VAT1L: variants seen among roughly 807,000 people sequenced by gnomAD.
VAT1L encodes the protein putative NADPH-dependent quinone oxidoreductase VAT1L.
In VAT1L, 34 loss-of-function variants were observed where a neutral mutation model predicts 44.1. The observed-to-expected ratio is 0.77, with a 90% confidence interval of 0.59 to 1.03. The LOEUF is 1.03. VAT1L is among the 50% of genes least tolerant of loss of function. The pLI is 0.00. For missense variants in VAT1L, 615 were observed against 538.8 expected, an observed-to-expected ratio of 1.14 and a Z score of -1.40; for synonymous variants, 253 against 202.2, an observed-to-expected ratio of 1.25 and a Z score of -2.13.
chr16:77,930,458 C>T (rs2017716987), intron 7 of VAT1L, among the ~76,000 whole-genome samples: 1 of 152,192 alleles, frequency 6.6e-6, no homozygotes, highest in Admixed American at 6.5e-5. Flanking sequence ...TGGCTCTCTG[C>T]AGTGGCAGGT....
At chr16:77,807,576 T>G (rs2016184225) in intron 1 of VAT1L, among the ~76,000 whole-genome samples, 1 of 152,160 alleles carries the variant, frequency 6.6e-6, no homozygotes, top group African/African-American at 2.4e-5. Context: ...AGTTGTCTTT[T>G]AGAACACTCC....
chr16:77,874,021 G>A (rs1168286972), intron 4 of VAT1L, among the ~76,000 whole-genome samples: 1 of 152,144 alleles, frequency 6.6e-6, no homozygotes, highest in African/African-American at 2.4e-5. Flanking sequence ...AGGTCAAGGT[G>A]GGACTAATAC....
chr16:77,821,952 G>A (rs1403573375), intron 2 of VAT1L, among the ~76,000 whole-genome samples: 1 of 152,146 alleles, frequency 6.6e-6, no homozygotes, highest in East Asian at 1.9e-4. Flanking sequence ...AGATACAAAA[G>A]CATAAGGGTG....
At chr16:77,854,286 T>C (rs535555354) in intron 3 of VAT1L, among the ~76,000 whole-genome samples, 79 of 152,312 alleles carry the variant, frequency 5.2e-4, no homozygotes, top group African/African-American at 1.7e-3. Flanking sequence ...ACAGCGCATA[T>C]CACGTGTAGG....
At position 77,913,717 on chromosome 16, in the gene VAT1L, C is replaced by G. The variant is rs145551494; in HGVS notation, c.1077+28915C>G. Reference sequence around the variant, plus strand: ...TTTGACATGGTTGGAGGGGGACAGTCTATGCATAAATGTGTATTGTAACAA... The same window carrying G: ...TTTGACATGGTTGGAGGGGGACAGTGTATGCATAAATGTGTATTGTAACAA... On this transcript the variant is annotated intron_variant, in intron 7 of 8. Transcript: ENST00000302536. Among the ~76,000 whole-genome samples, 1,444 of 152,210 alleles carry G rather than the reference C, an allele frequency of 9.5e-3. 49 individuals are homozygous for G. Among genetic ancestry groups the G allele is most frequent in the Admixed American group, 0.065 (1,000 of 15,276 alleles).
intron 7 of VAT1L, among the ~76,000 whole-genome samples, chr16:77,895,142 C>T (rs1249019371): frequency 1.4e-5 from 1 of 72,068 alleles, no homozygotes; most frequent in Non-Finnish European, 2.8e-5. Context: ...TTTCTACGCA[C>T]ATTCTCCCAG....
chr16:77,863,154 A>T (rs1458861577), intron 4 of VAT1L, among the ~76,000 whole-genome samples: 3 of 152,216 alleles, frequency 2.0e-5, no homozygotes, highest in Non-Finnish European at 4.4e-5. Flanking sequence ...CCATCTTAAC[A>T]CATGGAAGTT....
intron 8 of VAT1L, among the ~76,000 whole-genome samples, chr16:77,973,372 C>T (rs575035497): frequency 2.8e-4 from 43 of 152,188 alleles, no homozygotes; most frequent in Non-Finnish European, 4.3e-4. Context: ...GCAACCTCCG[C>T]CTCCCGGGTT....
chr16:77,900,268 T>A (rs2017366144), intron 7 of VAT1L, among the ~76,000 whole-genome samples: 1 of 152,212 alleles, frequency 6.6e-6, no homozygotes, highest in South Asian at 2.1e-4. Context: ...TATTTGTGTG[T>A]CTGCATATAT....
intron 7 of VAT1L, among the ~76,000 whole-genome samples, chr16:77,968,615 C>T (rs1225716637): frequency 1.3e-5 from 2 of 151,894 alleles, no homozygotes; most frequent in African/African-American, 4.8e-5. Flanking sequence ...GTCCCAGCTA[C>T]TCAGGAAGTT....
chr16:77,815,745 G>C (rs888072107), intron 1 of VAT1L, among the ~76,000 whole-genome samples: 15 of 151,710 alleles, frequency 9.9e-5, no homozygotes, highest in Non-Finnish European at 2.1e-4. Flanking sequence ...AAGGTGGGCG[G>C]ATCACCTGAG....
At chr16:77,918,562 C>T (rs527268009) in intron 7 of VAT1L, among the ~76,000 whole-genome samples, 1 of 152,250 alleles carries the variant, frequency 6.6e-6, no homozygotes, top group East Asian at 1.9e-4. Flanking sequence ...GTGATCAACA[C>T]TAGAATGTCA....
intron 3 of VAT1L, among the ~76,000 whole-genome samples, chr16:77,856,882 C>G (rs1334466214): frequency 6.6e-6 from 1 of 152,228 alleles, no homozygotes; most frequent in Non-Finnish European, 1.5e-5. Context: ...CTGCATTTGA[C>G]TTCCAGCTTT....
chr16:77,807,202 C>G lies in VAT1L; in HGVS notation c.234-9719C>G, dbSNP rs544069610. Among the ~76,000 whole-genome samples the G allele has an allele frequency of 2.0e-5, 3 of 152,298 alleles. No homozygotes were observed. The South Asian group carries it at 6.2e-4, about 32-fold the overall frequency. ...CCCTGAAAGGAGAGATCACACTACT[C>G]TTCTTGTAGTGGGAGCTAGTGTGCA... On this transcript the variant is annotated intron_variant, in intron 1 of 8. Transcript: ENST00000302536.
chr16:77,815,182 A>G (rs1298958759), intron 1 of VAT1L, among the ~76,000 whole-genome samples: 1 of 152,248 alleles, frequency 6.6e-6, no homozygotes, highest in Admixed American at 6.5e-5. Flanking sequence ...TGACCTGGAT[A>G]ACCACTAATC....
chr16:77,855,747 A>T (rs898132087), intron 3 of VAT1L, among the ~76,000 whole-genome samples: 2 of 152,112 alleles, frequency 1.3e-5, no homozygotes, highest in Non-Finnish European at 2.9e-5. Context: ...ATTATATAGC[A>T]CTGTAGTCAC....
At position 77,788,843 on chromosome 16, in the gene VAT1L, A is replaced by G. The variant is rs201342672; in HGVS notation, c.161A>G (p.Asn54Ser). 3.2e-4 allele frequency: 512 copies of G among 1,579,768 alleles called. 3 individuals are homozygous for G. In the East Asian group the frequency reaches 9.0e-3, roughly 28 times the overall value. Reference sequence around the variant, plus strand: ...GTGCTGGCTGGCTTCGGGGGGCTCAACAAGCTGCGGCTCTTCAGGAAGGCC... The same window carrying G: ...GTGCTGGCTGGCTTCGGGGGGCTCAGCAAGCTGCGGCTCTTCAGGAAGGCC... ...AVVLAGFGGL[N>S]KLRLFRKAMP... The change falls in exon 1 of 9, where the codon AAC (asparagine) becomes AGC (serine). Residue 54 changes from asparagine to serine, a missense_variant. Transcript: ENST00000302536.
intron 3 of VAT1L, among the ~76,000 whole-genome samples, chr16:77,857,296 T>A (rs1445058395): frequency 2.0e-5 from 3 of 152,332 alleles, no homozygotes; most frequent in Admixed American, 6.5e-5. Context: ...ATTGAGTCCA[T>A]GCTATTTGCT....
intron 7 of VAT1L, among the ~76,000 whole-genome samples, chr16:77,962,920 G>A (rs150499953): frequency 2.9e-4 from 44 of 152,140 alleles, no homozygotes; most frequent in African/African-American, 5.3e-4. Context: ...CACTCCAGCC[G>A]GGACAATAGA....
Sources: allele counts gnomAD v4.1 joint callset (sites outside exome capture counted in the v4.1 genomes callset), GRCh38; gene constraint gnomAD v4.1.1; transcripts MANE v1.5; gene names NCBI Gene and HGNC (gene_info 2026-07-23, HGNC 2026-07-21).